HOMER1: variants seen among roughly 807,000 people sequenced by gnomAD.
The protein encoded by HOMER1 is homer protein homolog 1.
HOMER1 carries 3 observed loss-of-function variants against 48.9 expected under a neutral mutation model. The observed-to-expected ratio is 0.06, with a 90% CI of 0.03 to 0.16. The LOEUF (loss-of-function observed/expected upper bound fraction) is 0.16. HOMER1 is among the 10% of genes least tolerant of loss of function. The probability of loss-of-function intolerance (pLI) is 1.00; values close to 1 mark genes in which losing one functional copy is unlikely to be tolerated. For missense variants in HOMER1, 247 were observed against 411.4 expected, an observed-to-expected ratio of 0.60 and a Z score of 3.46; for synonymous variants, 134 against 146.4, an observed-to-expected ratio of 0.92 and a Z score of 0.61.
intron 1 of HOMER1, among the ~76,000 whole-genome samples, chr5:79,467,084 C>T (rs1023535391): frequency 4.6e-5 from 7 of 152,082 alleles, no homozygotes; most frequent in African/African-American, 1.7e-4. Flanking sequence ...GCCACTGTGC[C>T]CGGCCTTAAA....
rs1236912382 is a variant in HOMER1 at position 79,402,022 on chromosome 5, C to T, written c.561G>A (p.Leu187=). The part of the protein sequence containing the change: ...SAISKHWEAE[L]ATLKGNNAKL... ...TGGCATTATTTCCTTTGAGGGTAGC[C>T]AGTTCAGCCTCCCAATGTTTGCTGA... The change falls in exon 6 of 9, where the codon CTG becomes CTA. Residue 187 remains leucine, a synonymous_variant. Coordinates refer to ENST00000334082, the MANE Select transcript of HOMER1 (RefSeq NM_004272.5). The T allele has an allele frequency of 6.2e-7, 1 of 1,613,820 alleles. No individual in the cohort carries two copies. Among genetic ancestry groups the T allele is most frequent in the South Asian group, 1.1e-5 (1 of 91,068 alleles).
intron 8 of HOMER1, among the ~76,000 whole-genome samples, chr5:79,384,000 A>G (rs1002294814): frequency 2.6e-4 from 39 of 152,080 alleles, no homozygotes; most frequent in African/African-American, 9.2e-4. Context: ...ACACAGCAAA[A>G]GTAAAAGCAG....
chr5:79,495,645 T>C lies in HOMER1; in HGVS notation c.5+17125A>G, dbSNP rs1399720142. ...GTGTTAGGAGACTGTAGCAACACCTTAGTTACCTGACACAGCTGAGTCAGT... is the reference window on the plus strand; with the variant it reads ...GTGTTAGGAGACTGTAGCAACACCTCAGTTACCTGACACAGCTGAGTCAGT... On this transcript the variant is annotated intron_variant, in intron 1 of 8. Coordinates refer to ENST00000334082, the MANE Select transcript of HOMER1 (RefSeq NM_004272.5). 2.0e-5 allele frequency among the ~76,000 whole-genome samples: 3 copies of C among 152,234 alleles called. No homozygotes were observed. In the East Asian group the frequency reaches 5.8e-4, roughly 29 times the overall value.
At chr5:79,484,630 T>C (rs779717795) in intron 1 of HOMER1, among the ~76,000 whole-genome samples, 1 of 152,202 alleles carries the variant, frequency 6.6e-6, no homozygotes, top group African/African-American at 2.4e-5. Flanking sequence ...ATGATGCTTA[T>C]AAGAAAACCA....
chr5:79,379,856 G>A (rs746341133), intron 8 of HOMER1, among the ~76,000 whole-genome samples: 1 of 152,100 alleles, frequency 6.6e-6, no homozygotes, highest in Non-Finnish European at 1.5e-5. Flanking sequence ...CAACTAGAGA[G>A]AGGCATTGTT....
At chr5:79,483,313 C>T (rs894728159) in intron 1 of HOMER1, among the ~76,000 whole-genome samples, 8 of 151,986 alleles carry the variant, frequency 5.3e-5, no homozygotes, top group Non-Finnish European at 1.0e-4. Context: ...ACTTGTCAAC[C>T]TAACGATTTT....
intron 1 of HOMER1, among the ~76,000 whole-genome samples, chr5:79,509,326 A>C (rs1233649492): frequency 6.6e-6 from 1 of 152,176 alleles, no homozygotes; most frequent in Non-Finnish European, 1.5e-5. Flanking sequence ...GAAGGGAGGG[A>C]AAGAATTCTT....
intron 6 of HOMER1, chr5:79,397,962 C>T (rs1561347937): frequency 6.0e-6 from 1 of 167,896 alleles, no homozygotes; most frequent in Non-Finnish European, 1.3e-5. Flanking sequence ...CAGATATGAC[C>T]ATCTGTCCTT....
At chr5:79,458,702 T>C (rs574178430) in intron 1 of HOMER1, among the ~76,000 whole-genome samples, 2 of 152,304 alleles carry the variant, frequency 1.3e-5, no homozygotes, top group African/African-American at 4.8e-5. Flanking sequence ...AAGAAAGTGA[T>C]ATATTTTGTG....
At chr5:79,378,221 T>TTAAAAAAAAAA (rs756900477) in intron 8 of HOMER1, among the ~76,000 whole-genome samples, 996 of 97,220 alleles carry the variant, frequency 0.01, 41 homozygotes, top group African/African-American at 0.03. Flanking sequence ...AGACTCTGTC[T>TTAAAAAAAAAA]CAAAAAAAAA....
intron 5 of HOMER1, among the ~76,000 whole-genome samples, chr5:79,410,169 T>C (rs1035424177): frequency 1.1e-4 from 16 of 152,288 alleles, no homozygotes; most frequent in African/African-American, 3.6e-4. Flanking sequence ...GCTGCTCCTT[T>C]AATAATCTGT....
chr5:79,476,619 A>G (rs1183395555), intron 1 of HOMER1, among the ~76,000 whole-genome samples: 1 of 152,184 alleles, frequency 6.6e-6, no homozygotes, highest in African/African-American at 2.4e-5. Flanking sequence ...TTACTGGTTT[A>G]TTATAAAGGA....
At chr5:79,410,629 C>T (rs1216410584) in intron 5 of HOMER1, among the ~76,000 whole-genome samples, 1 of 151,780 alleles carries the variant, frequency 6.6e-6, no homozygotes, top group Non-Finnish European at 1.5e-5. Context: ...TATTAGAATA[C>T]CCTACACAAC....
chr5:79,459,862 G>A (rs532117360), intron 1 of HOMER1, among the ~76,000 whole-genome samples: 1 of 152,282 alleles, frequency 6.6e-6, no homozygotes, highest in Non-Finnish European at 1.5e-5. Context: ...AGTACATTGT[G>A]TAGCAAGAAC....
intron 5 of HOMER1, 133 bp downstream of exon 5, chr5:79,438,876 TA>T (rs78093840): frequency 0.22 from 103,571 of 480,048 alleles, 136 homozygotes; most frequent in East Asian, 0.28. Context: ...ACAGAAGCAG[TA>T]AAAAAAAAAA....
chr5:79,506,681 AC>A (rs1171107165), intron 1 of HOMER1, among the ~76,000 whole-genome samples: 2 of 152,130 alleles, frequency 1.3e-5, no homozygotes, highest in Non-Finnish European at 2.9e-5. Flanking sequence ...TACAAAAAGT[AC>A]AAAAATTAGC....
chr5:79,416,001 G>GTAC (rs1344957811), intron 5 of HOMER1, among the ~76,000 whole-genome samples: 1 of 152,216 alleles, frequency 6.6e-6, no homozygotes, highest in African/African-American at 2.4e-5. Flanking sequence ...CTATGTAAAT[G>GTAC]TACTCTTGAA....
intron 8 of HOMER1, among the ~76,000 whole-genome samples, chr5:79,393,229 T>G (rs890564845): frequency 1.3e-5 from 2 of 152,050 alleles, no homozygotes; most frequent in Non-Finnish European, 2.9e-5. Context: ...AAAAACAAGA[T>G]CATTTCAGCT....
rs915155743 is a variant in HOMER1 at position 79,459,958 on chromosome 5, G to A, written c.6-2940C>T. 3.3e-5 allele frequency among the ~76,000 whole-genome samples: 5 copies of A among 152,298 alleles called. No individual in the cohort carries two copies. The East Asian group carries it at 5.8e-4, about 18-fold the overall frequency. ...TGAAAAAAGAGAGAAGACAGTTCAT[G>A]AGGGTGTCTACTGAAAGCTATTGAG... On this transcript the variant is annotated intron_variant, in intron 1 of 8. Coordinates refer to ENST00000334082, the MANE Select transcript of HOMER1 (RefSeq NM_004272.5).
Sources: allele counts gnomAD v4.1 joint callset (sites outside exome capture counted in the v4.1 genomes callset), GRCh38; gene constraint gnomAD v4.1.1; transcripts MANE v1.5; gene names NCBI Gene and HGNC (gene_info 2026-07-23, HGNC 2026-07-21).